ARHGEF28: variants seen among roughly 807,000 people sequenced by gnomAD.
The protein encoded by ARHGEF28 is 190 kDa guanine nucleotide exchange factor.
Under a neutral mutation model 206.6 loss-of-function variants are expected in ARHGEF28, and 152 were observed. The ratio of observed to expected loss-of-function variants is 0.74; its 90% CI spans 0.64 to 0.84. The LOEUF (loss-of-function observed/expected upper bound fraction) is 0.84. Ranked by LOEUF, ARHGEF28 falls within the 40% of genes least tolerant of loss-of-function variation. The pLI is 0.00. For missense variants in ARHGEF28, 2,028 were observed against 2,073.2 expected, an observed-to-expected ratio of 0.98 and a Z score of 0.42; for synonymous variants, 763 against 776.4, an observed-to-expected ratio of 0.98 and a Z score of 0.29.
intron 35 of ARHGEF28, among the ~76,000 whole-genome samples, chr5:73,938,904 G>T: frequency 6.8e-6 from 1 of 146,392 alleles, no homozygotes; most frequent in African/African-American, 2.5e-5. Context: ...TGCTGTGTCA[G>T]TTTTGAGAAG....
intron 2 of ARHGEF28, among the ~76,000 whole-genome samples, 190 bp downstream of exon 2, chr5:73,685,074 C>T (rs1454865665): frequency 6.6e-6 from 1 of 152,144 alleles, no homozygotes; most frequent in Non-Finnish European, 1.5e-5. Context: ...CTGTTTTAAA[C>T]TCTGGATTTT....
rs200516722 is a variant in ARHGEF28, at chr5:73,938,931, C to CTTTT, written c.4949-1900_4949-1897dup. On this transcript the variant is annotated intron_variant, in intron 35 of 35. Transcript: ENST00000513042. The stretch of plus-strand genomic sequence containing the variant: ...TTTGAGAAGCTTAACATTAATATGT[C>CTTTT]TTTTTTTTTTTTTTTTGCCTTTGCT... Among the ~76,000 whole-genome samples the CTTTT allele has an allele frequency of 5.6e-3, 679 of 120,570 alleles. 37 individuals are homozygous for CTTTT. The East Asian group carries it at 0.13, about 23-fold the overall frequency. The allele number at this position is 120,570 out of a possible 152,430, so 79.1% of individuals were successfully genotyped here.
In ARHGEF28 at chr5:73,909,827, G is replaced by C; in HGVS notation, c.4577G>C (p.Ser1526Thr). The C allele has an allele frequency of 2.0e-6, 3 of 1,537,906 alleles. No homozygotes were observed. The highest frequency in any genetic ancestry group is 2.6e-6 in the Non-Finnish European group (3 of 1,153,630). ...REQARMRAQQ[S>T]LLGHWKHGRQ... ...CAGGCGAGGATGCGGGCCCAGCAGA[G>C]CCTGCTGGGCCACTGGAAGCACGGC... The change falls in exon 34 of 36, where the codon AGC becomes ACC. Residue 1526 changes from serine to threonine, a missense_variant. This residue lies in a region of ARHGEF28 where 803 missense variants were observed against 768.0 expected (regional missense o/e 1.05). Transcript: ENST00000513042.
intron 10 of ARHGEF28, among the ~76,000 whole-genome samples, chr5:73,837,622 G>T (rs1381619083): frequency 6.6e-6 from 1 of 151,644 alleles, no homozygotes; most frequent in Non-Finnish European, 1.5e-5. Flanking sequence ...TATGTTCTCA[G>T]ATACATTAAA....
intron 10 of ARHGEF28, among the ~76,000 whole-genome samples, chr5:73,838,776 G>A (rs1041978354): frequency 3.3e-5 from 5 of 152,078 alleles, no homozygotes; most frequent in Non-Finnish European, 2.9e-5. Context: ...AGTTTCTTAC[G>A]TAAGCACAGT....
At chr5:73,824,626 C>T (rs1756788270) in intron 9 of ARHGEF28, among the ~76,000 whole-genome samples, 1 of 152,216 alleles carries the variant, frequency 6.6e-6, no homozygotes, top group East Asian at 1.9e-4. Context: ...CGCCATCACG[C>T]CCGGCTAATT....
intron 1 of ARHGEF28, among the ~76,000 whole-genome samples, chr5:73,684,222 A>G (rs1467900826): frequency 1.3e-5 from 2 of 152,172 alleles, no homozygotes; most frequent in African/African-American, 4.8e-5. Context: ...CCATTAAATA[A>G]TAACTCTCCA....
chr5:73,658,932 A>G (rs1745401532), intron 1 of ARHGEF28, among the ~76,000 whole-genome samples: 1 of 151,584 alleles, frequency 6.6e-6, no homozygotes, highest in Non-Finnish European at 1.5e-5. Context: ...TATAGACCAC[A>G]TACCTAGACA....
In ARHGEF28 at chr5:73,873,135, T is replaced by G; in HGVS notation, c.2703T>G (p.Leu901=). 1 of 1,612,968 alleles carries G rather than the reference T, an allele frequency of 6.2e-7. No individual in the cohort carries two copies. Among genetic ancestry groups the G allele is most frequent in the Non-Finnish European group, 8.5e-7 (1 of 1,179,482 alleles). ...TTTTCCCCTGTTTAGATGAGTTGCT[T>G]GAAATCCACAGGCATTTCTTCTACA... The part of the protein sequence containing the change: ...DKIFPCLDEL[L]EIHRHFFYSM... Residue 901 remains leucine (L), a synonymous_variant, in exon 22 of 36, where the codon CTT becomes CTG. Transcript: ENST00000513042.
Position 73,875,967 on chromosome 5 carries a change from C to G in ARHGEF28, c.2814+2721C>G, listed in dbSNP as rs1384361033. ...TCCAATTCTGTGAAGAAAGTCATTG[C>G]TAGCTTGATGGGGATGGCATTGAAT... is the stretch of plus-strand genomic sequence containing the variant. On this transcript the variant is annotated intron_variant, in intron 22 of 35. Transcript: ENST00000513042. 2.0e-3 allele frequency among the ~76,000 whole-genome samples: 295 copies of G among 151,216 alleles called. 5 individuals are homozygous for G. The East Asian group carries it at 0.049, about 25-fold the overall frequency.
At chr5:73,716,549 C>G (rs1749597055) in intron 2 of ARHGEF28, among the ~76,000 whole-genome samples, 1 of 152,112 alleles carries the variant, frequency 6.6e-6, no homozygotes, top group Non-Finnish European at 1.5e-5. Flanking sequence ...CTAGGAGCGT[C>G]CTCATTGTGG....
chr5:73,846,869 G>A (rs1758399944), intron 12 of ARHGEF28, among the ~76,000 whole-genome samples: 1 of 152,114 alleles, frequency 6.6e-6, no homozygotes, highest in South Asian at 2.1e-4. Flanking sequence ...CTGATGATGA[G>A]GTAAATGATG....
chr5:73,664,129 C>T (rs551937220), intron 1 of ARHGEF28, among the ~76,000 whole-genome samples: 4 of 152,354 alleles, frequency 2.6e-5, no homozygotes, highest in African/African-American at 7.2e-5. Context: ...GTCATCCCCA[C>T]ATTTCCCTCC....
At chr5:73,642,273 G>T (rs1400237446) in intron 1 of ARHGEF28, among the ~76,000 whole-genome samples, 1 of 152,184 alleles carries the variant, frequency 6.6e-6, no homozygotes, top group African/African-American at 2.4e-5. Flanking sequence ...ATCTGTCTGT[G>T]TTTGGGGATC....
intron 29 of ARHGEF28, among the ~76,000 whole-genome samples, chr5:73,896,428 G>A (rs1453247133): frequency 7.5e-6 from 1 of 133,952 alleles, no homozygotes; most frequent in Admixed American, 7.8e-5. Context: ...TTTTAGAAGA[G>A]GATGTTATTC....
intron 2 of ARHGEF28, among the ~76,000 whole-genome samples, chr5:73,698,417 C>T (rs775830585): frequency 1.3e-5 from 2 of 152,054 alleles, no homozygotes; most frequent in Non-Finnish European, 2.9e-5. Flanking sequence ...AATCTGGTGA[C>T]CACCCCTGAT....
intron 1 of ARHGEF28, among the ~76,000 whole-genome samples, chr5:73,667,675 G>T (rs1746046211): frequency 6.6e-6 from 1 of 152,174 alleles, no homozygotes; most frequent in African/African-American, 2.4e-5. Context: ...TGGCTGGGCT[G>T]AGAGTTTCCC....
chr5:73,777,647 A>G (rs746050698), intron 6 of ARHGEF28, among the ~76,000 whole-genome samples: 1 of 152,218 alleles, frequency 6.6e-6, no homozygotes, highest in African/African-American at 2.4e-5. Context: ...AAAATAAAAC[A>G]TGGTCTTCAG....
At chr5:73,632,574 T>C (rs2112118314) in intron 1 of ARHGEF28, among the ~76,000 whole-genome samples, 1 of 152,346 alleles carries the variant, frequency 6.6e-6, no homozygotes, top group African/African-American at 2.4e-5. Flanking sequence ...GTGGAGGCCA[T>C]TCTGAACAAT....
Sources: allele counts gnomAD v4.1 joint callset (sites outside exome capture counted in the v4.1 genomes callset), GRCh38; gene constraint gnomAD v4.1.1; regional missense constraint gnomAD v4.1.1; transcripts MANE v1.5; gene names NCBI Gene and HGNC (gene_info 2026-07-23, HGNC 2026-07-21).